TFAP2A: variants seen among roughly 807,000 people sequenced by gnomAD.
The protein encoded by TFAP2A is transcription factor AP-2 alpha, also known as transcription factor AP-2-alpha.
A neutral mutation model predicts 41.5 loss-of-function variants in TFAP2A; 7 were observed. That is an observed-to-expected ratio of 0.17 (90% CI 0.10 to 0.32). The LOEUF is 0.32. TFAP2A is among the 10% of genes least tolerant of loss of function. TFAP2A has a pLI of 1.00. For synonymous variants in TFAP2A, 247 were observed against 242.8 expected, an observed-to-expected ratio of 1.02 and a Z score of -0.16; for missense variants, 416 against 563.3, an observed-to-expected ratio of 0.74 and a Z score of 2.65.
intron 1 of TFAP2A, chr6:10,412,126 C>T: frequency 1.0e-6 from 1 of 996,000 alleles, no homozygotes; most frequent in Non-Finnish European, 1.2e-6. Flanking sequence ...GGAGCCGGCT[C>T]TCAATGCAGT....
At chr6:10,405,694 T>A (rs952677961) in intron 3 of TFAP2A, 3 of 152,206 alleles carry the variant, frequency 2.0e-5, no homozygotes, top group African/African-American at 7.2e-5. Flanking sequence ...TGCATTGTAT[T>A]TTAAAATTCC....
chr6:10,418,410 G>A (rs1386494390), upstream of TFAP2A: 3 of 152,222 alleles, frequency 2.0e-5, no homozygotes, highest in Admixed American at 6.5e-5. Flanking sequence ...CATTAGATTC[G>A]AATTGTCCCC....
At chr6:10,412,420 A>T in intron 1 of TFAP2A, 1 of 165,774 alleles carries the variant, frequency 6.0e-6, no homozygotes, top group Non-Finnish European at 1.1e-5. Flanking sequence ...CCGGGTGGGG[A>T]GAGGGGAGGG....
upstream of TFAP2A, chr6:10,416,777 T>C (rs1561719319): frequency 6.6e-6 from 1 of 152,240 alleles, no homozygotes; most frequent in Non-Finnish European, 1.5e-5. Flanking sequence ...AGAAGGGGAA[T>C]TCTCCCTCCA....
At chr6:10,407,442 T>C (rs539893024) in intron 2 of TFAP2A, 1 of 152,630 alleles carries the variant, frequency 6.6e-6, no homozygotes, top group South Asian at 2.1e-4. Context: ...TTGAGCTTGC[T>C]TTCCTGTTGT....
At chr6:10,418,163 T>C (rs1758311990), upstream of TFAP2A, 1 of 152,160 alleles carries the variant, frequency 6.6e-6, no homozygotes, top group Non-Finnish European at 1.5e-5. Flanking sequence ...GCGGATGAAA[T>C]ACCATTTAGT....
chr6:10,407,021 A>G (rs1757744958), intron 2 of TFAP2A, 177 bp from the exon 3 acceptor site: 2 of 651,088 alleles, frequency 3.1e-6, no homozygotes, highest in South Asian at 3.5e-5. Context: ...TTGCAACTCA[A>G]GAGGTTTCAC....
intron 5 of TFAP2A, chr6:10,402,179 T>C (rs908754331): frequency 9.7e-6 from 4 of 412,742 alleles, no homozygotes; most frequent in Non-Finnish European, 1.9e-5. Context: ...ACTTAAGTTA[T>C]TTACTGCTGA....
Position 10,400,470 on chromosome 6 carries a change from T to C in TFAP2A, c.1009A>G (p.Lys337Glu). The C allele has an allele frequency of 1.9e-6, 3 of 1,614,236 alleles. No individual in the cohort carries two copies. The highest frequency in any genetic ancestry group is 2.5e-6 in the Non-Finnish European group (3 of 1,180,044). Residue 337 changes from lysine (K) to glutamate (E), a missense_variant, in exon 6 of 7, where the codon AAA becomes GAA. Coordinates refer to ENST00000379613, the MANE Select transcript of TFAP2A (RefSeq NM_001372066.1). ...HSDPNEQVTR[K>E]NMLLATKQIC... is the part of the protein sequence containing the mutation. ...TACTTTGTAGCCAGGAGCATGTTTT[T>C]TCTTGTCACTTGCTCATTGGGATCG...
chr6:10,396,898 G>C lies in TFAP2A; in HGVS notation c.*1519C>G, dbSNP rs1391894372. 1 of 152,514 alleles carries C rather than the reference G, an allele frequency of 6.6e-6. No homozygotes were observed. The highest frequency in any genetic ancestry group is 1.5e-5 in the Non-Finnish European group (1 of 68,032). 9.4% of individuals were successfully genotyped at this position (152,514 alleles called of 1,614,324 possible). On this transcript the variant is annotated 3_prime_UTR_variant, in exon 7 of 7. Transcript: ENST00000379613. ...AAGTAAGTTTTTATTATACTTGAGGGAAACAATGGGTTCAGCTGCTTATTG... is the reference window on the plus strand; with the variant it reads ...AAGTAAGTTTTTATTATACTTGAGGCAAACAATGGGTTCAGCTGCTTATTG...
chr6:10,407,189 T>C, intron 2 of TFAP2A: 2 of 314,596 alleles, frequency 6.4e-6, no homozygotes, highest in Non-Finnish European at 1.2e-5. Flanking sequence ...TAGCTTTAGA[T>C]TGGCGCCTCA....
chr6:10,404,833 C>T, intron 3 of TFAP2A, 94 bp from the exon 4 acceptor site: 4 of 1,183,622 alleles, frequency 3.4e-6, no homozygotes, highest in African/African-American at 1.5e-5. Context: ...GGGCCGGATC[C>T]CAGGCTTTGG....
upstream of TFAP2A, chr6:10,417,164 C>T (rs936518177): frequency 6.6e-6 from 1 of 152,302 alleles, no homozygotes; most frequent in African/African-American, 2.4e-5. Context: ...TAGACGTCGC[C>T]GCGGTGTGCT....
chr6:10,400,642 C>G (rs1761973061), intron 5 of TFAP2A, 53 bp from the exon 6 acceptor site: 1 of 1,599,976 alleles, frequency 6.3e-7, no homozygotes, highest in Non-Finnish European at 8.6e-7. Flanking sequence ...GAGTGGGGAT[C>G]CTAACTTCCT....
intron 2 of TFAP2A, chr6:10,407,290 G>A (rs1304370277): frequency 4.6e-6 from 1 of 219,650 alleles, no homozygotes; most frequent in Non-Finnish European, 9.1e-6. Context: ...ACAGGAGAGT[G>A]TTGGAAAAGA....
chr6:10,418,412 A>T (rs1012087816), upstream of TFAP2A: 1 of 152,188 alleles, frequency 6.6e-6, no homozygotes, highest in African/African-American at 2.4e-5. Flanking sequence ...TTAGATTCGA[A>T]TTGTCCCCTG....
rs779059756 is a variant in TFAP2A at position 10,398,573 on chromosome 6, G to A, written c.1164C>T (p.Phe388=). The A allele has an allele frequency of 1.2e-6, 2 of 1,614,234 alleles. No homozygotes were observed. Among genetic ancestry groups the A allele is most frequent in the Non-Finnish European group, 1.7e-6 (2 of 1,180,042 alleles). Reference sequence around the variant, plus strand: ...CCGCGGCACACACCGCGGGGCTGCCGAAGCCGTGGGAGATGAGGTTGAAGT... The same window carrying A: ...CCGCGGCACACACCGCGGGGCTGCCAAAGCCGTGGGAGATGAGGTTGAAGT... ...LTHFNLISHG[F]GSPAVCAAVT... is the part of the protein sequence containing the mutation. Residue 388 remains phenylalanine (F), a synonymous_variant, in exon 7 of 7, where the codon TTC becomes TTT. Transcript: ENST00000379613. The surrounding 1 kb of genome is among the most constrained non-coding windows in gnomAD (Gnocchi z 5.3).
Position 10,415,062 on chromosome 6 carries a change from A to C in TFAP2A, c.-71T>G, listed in dbSNP as rs374812295. 134 of 1,611,464 alleles carry C rather than the reference A, an allele frequency of 8.3e-5. No individual in the cohort carries two copies. Among genetic ancestry groups the C allele is most frequent in the Non-Finnish European group, 1.3e-5 (15 of 1,178,434 alleles). On this transcript the variant is annotated 5_prime_UTR_variant, in exon 1 of 7. Transcript: ENST00000379613. Reference sequence around the variant, plus strand: ...GGAGCTACTCTCTGGGTGAGCGCAAAGTGCTGGCTGCCGGCGGTGAGCGCA... The same window carrying C: ...GGAGCTACTCTCTGGGTGAGCGCAACGTGCTGGCTGCCGGCGGTGAGCGCA...
At position 10,411,660 on chromosome 6, in the gene TFAP2A, T is replaced by G. The variant is rs1757976335; in HGVS notation, c.52-1325A>C. The G allele has an allele frequency of 1.9e-6, 3 of 1,610,452 alleles. No individual in the cohort carries two copies. In the Admixed American group the frequency reaches 5.0e-5, roughly 27 times the overall value. ...AACAAGCAAGCCTGGAGCGCCCGGCTGCCCCGCCGCCCGAGCGCGCCCCAC... is the reference window on the plus strand; with the variant it reads ...AACAAGCAAGCCTGGAGCGCCCGGCGGCCCCGCCGCCCGAGCGCGCCCCAC... On this transcript the variant is annotated intron_variant, in intron 1 of 6. Coordinates refer to ENST00000379613, the MANE Select transcript of TFAP2A (RefSeq NM_001372066.1).
Sources: gnomAD v4.1 joint callset for allele counts on GRCh38, gnomAD v4.1.1 for gene constraint, Gnocchi (gnomAD v3.1) non-coding constraint, MANE v1.5 for transcripts, NCBI Gene and HGNC (gene_info 2026-07-23, HGNC 2026-07-21) for gene names.